Variants in PRKAG2 observed in about 807,000 individuals in gnomAD.
PRKAG2 encodes the protein 5'-AMP-activated protein kinase subunit gamma-2.
A neutral mutation model predicts 69.6 loss-of-function variants in PRKAG2; 26 were observed. The observed-to-expected ratio is 0.37, with a 90% confidence interval of 0.27 to 0.52. The LOEUF (loss-of-function observed/expected upper bound fraction) is 0.52. Ranked by LOEUF, PRKAG2 falls within the 20% of genes least tolerant of loss-of-function variation. The probability of loss-of-function intolerance (pLI) is 0.90; values close to 1 mark genes in which losing one functional copy is unlikely to be tolerated. For synonymous variants in PRKAG2, 293 were observed against 285.0 expected, an observed-to-expected ratio of 1.03 and a Z score of -0.28; for missense variants, 557 against 740.0, an observed-to-expected ratio of 0.75 and a Z score of 2.87.
In PRKAG2 at chr7:151,617,266, A is replaced by AGGAGGGAGGGAG. The variant is rs144872514; in HGVS notation, c.754+14791_754+14802dup. On this transcript the variant is annotated intron_variant, in intron 5 of 15. Transcript: ENST00000287878. The stretch of plus-strand genomic sequence containing the variant: ...CAAGAGCAAGGGAAGGAGCGAGGGA[A>AGGAGGGAGGGAG]GGAGGGAGGGAGGGAAAGAGGGAGG... 4.0e-3 allele frequency among the ~76,000 whole-genome samples: 387 copies of AGGAGGGAGGGAG among 96,288 alleles called. 6 individuals carry two copies. The highest frequency in any genetic ancestry group is 0.016 in the Middle Eastern group (3 of 182). The allele number at this position is 96,288 out of a possible 152,430, so 63.2% of individuals were successfully genotyped here.
At chr7:151,796,686 A>G (rs1355561076) in intron 1 of PRKAG2, among the ~76,000 whole-genome samples, 1 of 152,078 alleles carries the variant, frequency 6.6e-6, no homozygotes, top group African/African-American at 2.4e-5. Flanking sequence ...GGCTCCTCCC[A>G]GGGCTGGATT....
intron 1 of PRKAG2, among the ~76,000 whole-genome samples, chr7:151,833,915 C>T (rs374300473): frequency 2.6e-4 from 40 of 152,378 alleles, no homozygotes; most frequent in East Asian, 1.7e-3. Context: ...CCTGAGGCCA[C>T]AGCCAGCATT....
At chr7:151,848,580 A>G (rs2151893628) in intron 1 of PRKAG2, among the ~76,000 whole-genome samples, 1 of 114,894 alleles carries the variant, frequency 8.7e-6, no homozygotes, top group South Asian at 3.0e-4. Context: ...GCTGGAGGGC[A>G]GTGGCGCAAT....
chr7:151,571,996 G>A (rs776457863), intron 9 of PRKAG2, among the ~76,000 whole-genome samples: 4 of 152,276 alleles, frequency 2.6e-5, no homozygotes, highest in African/African-American at 7.2e-5. Flanking sequence ...TGGGTCTGCC[G>A]TGATTCCCAC....
At chr7:151,649,759 C>T (rs951005455) in intron 4 of PRKAG2, among the ~76,000 whole-genome samples, 21 of 152,128 alleles carry the variant, frequency 1.4e-4, no homozygotes, top group African/African-American at 4.3e-4. Context: ...TCACCTTCTG[C>T]CATGATTATA....
rs1563773363 is a variant in PRKAG2 at position 151,874,516 on chromosome 7, T to TATG, written c.114+1988_114+1990dup. 1.9e-4 allele frequency among the ~76,000 whole-genome samples: 21 copies of TATG among 112,828 alleles called. 2 individuals carry two copies. Among genetic ancestry groups the TATG allele is most frequent in the African/African-American group, 8.2e-4 (21 of 25,752 alleles). The allele number at this position is 112,828 out of a possible 152,430, so 74.0% of individuals were successfully genotyped here. On this transcript the variant is annotated intron_variant, in intron 1 of 15. Coordinates refer to ENST00000287878, the MANE Select transcript of PRKAG2 (RefSeq NM_016203.4). Reference sequence around the variant, plus strand: ...TGTATATGTATATGATGTATATGTATATGTATATGATGTATATGTATATGT... The same window carrying TATG: ...TGTATATGTATATGATGTATATGTATATGATGTATATGATGTATATGTATATGT...
Position 151,632,625 on chromosome 7 carries a change from C to G in PRKAG2, c.685-487G>C. 2 of 984,432 alleles carry G rather than the reference C, an allele frequency of 2.0e-6. No individual in the cohort carries two copies. Among genetic ancestry groups the G allele is most frequent in the Non-Finnish European group, 2.4e-6 (2 of 829,286 alleles). The allele number at this position is 984,432 out of a possible 1,614,324, so 61.0% of individuals were successfully genotyped here. A position where few individuals can be genotyped will look rare whatever the true frequency, so the allele number is the denominator to read the frequency against. ...GGCTCCACCTGCGCAGGTGTGGGCTCCGCGGCGCGGGGAGGGGGAGAGGGG... is the reference window on the plus strand; with the variant it reads ...GGCTCCACCTGCGCAGGTGTGGGCTGCGCGGCGCGGGGAGGGGGAGAGGGG... On this transcript the variant is annotated intron_variant, in intron 4 of 15. Transcript: ENST00000287878. This position sits in a 1 kb window ranked among gnomAD's most constrained non-coding sequence, Gnocchi z 4.2.
At chr7:151,659,821 C>T (rs896278174) in intron 4 of PRKAG2, among the ~76,000 whole-genome samples, 7 of 152,192 alleles carry the variant, frequency 4.6e-5, no homozygotes, top group East Asian at 3.8e-4. Flanking sequence ...TTGGAGGCTC[C>T]GCTAGAAAAA....
At chr7:151,596,602 A>C (rs886200461) in intron 5 of PRKAG2, among the ~76,000 whole-genome samples, 7 of 152,138 alleles carry the variant, frequency 4.6e-5, no homozygotes, top group Admixed American at 1.3e-4. Context: ...TACAAAAATT[A>C]GCTGGGCATG....
chr7:151,852,385 C>A lies in PRKAG2; in HGVS notation c.114+24122G>T, dbSNP rs180931901. On this transcript the variant is annotated intron_variant, in intron 1 of 15. Coordinates refer to ENST00000287878, the MANE Select transcript of PRKAG2 (RefSeq NM_016203.4). ...TAGCACACGCATGTAATCCCAGATA[C>A]TCGGGAGGCTGAGGCAGGAGAATTG... Among the ~76,000 whole-genome samples the A allele has an allele frequency of 7.6e-3, 1,153 of 152,284 alleles. 6 individuals are homozygous for A. Among genetic ancestry groups the A allele is most frequent in the Non-Finnish European group, 0.014 (934 of 68,020 alleles).
chr7:151,676,087 A>G (rs1430449648), intron 3 of PRKAG2, among the ~76,000 whole-genome samples: 1 of 152,090 alleles, frequency 6.6e-6, no homozygotes. Flanking sequence ...ATTCAGCCAA[A>G]TATCATTTGA....
intron 1 of PRKAG2, among the ~76,000 whole-genome samples, chr7:151,816,487 C>G (rs2078643082): frequency 6.6e-6 from 1 of 152,198 alleles, no homozygotes. Context: ...AAAAACCAAG[C>G]TGAGTGGAAA....
intron 5 of PRKAG2, among the ~76,000 whole-genome samples, chr7:151,620,677 G>A (rs4726063): frequency 0.14 from 20,955 of 151,904 alleles, 1,636 homozygotes; most frequent in African/African-American, 0.18. Flanking sequence ...TGGGAGTCTC[G>A]CTATGTTGTC....
chr7:151,603,089 G>GCACCCGCTCCATACTCAC (rs1178536933), intron 5 of PRKAG2, among the ~76,000 whole-genome samples: 1 of 151,876 alleles, frequency 6.6e-6, no homozygotes, highest in African/African-American at 2.4e-5. Flanking sequence ...TCACACGGAG[G>GCACCCGCTCCATACTCAC]CACCCGCTCC....
chr7:151,676,257 G>A (rs1434095355), intron 3 of PRKAG2, among the ~76,000 whole-genome samples: 12 of 147,870 alleles, frequency 8.1e-5, no homozygotes, highest in African/African-American at 1.2e-4. Context: ...GGAGGGGGAG[G>A]GGACGGGAGG....
intron 2 of PRKAG2, among the ~76,000 whole-genome samples, chr7:151,785,239 C>T (rs770238503): frequency 2.0e-5 from 3 of 152,250 alleles, no homozygotes; most frequent in Non-Finnish European, 2.9e-5. Flanking sequence ...TGGCTGTGGC[C>T]CCTGTGTCTC....
intron 4 of PRKAG2, among the ~76,000 whole-genome samples, chr7:151,662,264 G>A (rs571790815): frequency 1.3e-5 from 2 of 152,176 alleles, no homozygotes; most frequent in South Asian, 2.1e-4. Flanking sequence ...ATCCACGTCC[G>A]TGCCATTTCT....
At chr7:151,842,788 C>A (rs938737909) in intron 1 of PRKAG2, among the ~76,000 whole-genome samples, 1 of 151,706 alleles carries the variant, frequency 6.6e-6, no homozygotes, top group African/African-American at 2.4e-5. Flanking sequence ...TAGTAAGTAG[C>A]GGTGGTAGCA....
intron 3 of PRKAG2, among the ~76,000 whole-genome samples, chr7:151,734,997 T>C (rs1482198426): frequency 6.6e-6 from 1 of 151,718 alleles, no homozygotes; most frequent in Non-Finnish European, 1.5e-5. Context: ...TGGGACTATA[T>C]GCGCACGCCA....
Sources: gnomAD v4.1 joint callset for allele counts (sites outside exome capture counted in the v4.1 genomes callset) on GRCh38, gnomAD v4.1.1 for gene constraint, Gnocchi (gnomAD v3.1) non-coding constraint, MANE v1.5 for transcripts, NCBI Gene and HGNC (gene_info 2026-07-23, HGNC 2026-07-21) for gene names.